Variants in MRPL34 observed in about 807,000 individuals in gnomAD.
MRPL34 encodes mitochondrial ribosomal protein L34, also known as large ribosomal subunit protein bL34m.
In MRPL34, 8 loss-of-function variants were observed where a neutral mutation model predicts 6.7. The observed-to-expected ratio is 1.20, with a 90% CI of 0.70 to 2.16. The LOEUF (loss-of-function observed/expected upper bound fraction) is 2.16, where lower values mean the gene tolerates loss of function less well. Ranked by LOEUF, MRPL34 falls within the 30% of genes most tolerant of loss-of-function variation. The pLI, the probability that MRPL34 is intolerant of heterozygous loss-of-function variation, is 0.00. For synonymous variants in MRPL34, 59 were observed against 55.1 expected (o/e 1.07, Z -0.31); for missense variants, 146 against 125.5 (o/e 1.16, Z -0.78).
At chr19:17,295,879 T>TA (rs1164590015) in intron 1 of MRPL34, among the ~76,000 whole-genome samples, 4 of 152,138 alleles carry the variant, frequency 2.6e-5, no homozygotes, top group Non-Finnish European at 5.9e-5. Flanking sequence ...AGCTAATTTT[T>TA]AAAAATTTTT....
chr19:17,294,654 C>A, intron 1 of MRPL34: 1 of 1,612,188 alleles, frequency 6.2e-7, no homozygotes, highest in Non-Finnish European at 8.5e-7. Flanking sequence ...GGATCACGGT[C>A]TTTGGGGTGG....
At chr19:17,293,998 C>G (rs150665425) in intron 1 of MRPL34, among the ~76,000 whole-genome samples, 5 of 152,232 alleles carry the variant, frequency 3.3e-5, no homozygotes, top group African/African-American at 1.2e-4. Flanking sequence ...ACAAATCCTC[C>G]GCTGTGAGGA....
chr19:17,305,712 G>A (rs1441061287), upstream of MRPL34: 4 of 680,736 alleles, frequency 5.9e-6, no homozygotes, highest in Non-Finnish European at 1.0e-5. Context: ...TGTGCCCCGC[G>A]GATATAGACT....
At chr19:17,297,744 C>CTTTTTT (rs71334702) in intron 1 of MRPL34, 1 of 130,262 alleles carries the variant, frequency 7.7e-6, no homozygotes, top group African/African-American at 2.8e-5. Flanking sequence ...GTTTTCTTTT[C>CTTTTTT]TTTTTTTTTT....
chr19:17,301,528 C>G (rs1469221185), upstream of MRPL34: 9 of 1,610,524 alleles, frequency 5.6e-6, no homozygotes, highest in Non-Finnish European at 7.6e-6. Context: ...GTAGCCATCG[C>G]TGGACTCGAC....
chr19:17,299,511 G>A (rs1186530023), upstream of MRPL34, among the ~76,000 whole-genome samples: 3 of 144,276 alleles, frequency 2.1e-5, no homozygotes, highest in Admixed American at 7.2e-5. Flanking sequence ...CAGTGAGCCA[G>A]GATCACGCCA....
rs759418477 is a variant in MRPL34 at position 17,306,202 on chromosome 19, C to G, written c.102C>G (p.Asp34Glu). 5 of 1,552,966 alleles carry G rather than the reference C, an allele frequency of 3.2e-6. No individual in the cohort carries two copies. Among genetic ancestry groups the G allele is most frequent in the Non-Finnish European group, 4.4e-6 (5 of 1,149,330 alleles). Residue 34 changes from aspartate to glutamate, a missense_variant, in exon 2 of 2, where the codon GAC (aspartate) becomes GAG (glutamate). Transcript: ENST00000252602. Reference protein sequence around the residue: ...LQPRAWLGFPDAWGLPTPQQA... With the variant: ...LQPRAWLGFPEAWGLPTPQQA... ...CCCGGGCCTGGCTGGGGTTCCCAGA[C>G]GCCTGGGGCCTCCCCACCCCGCAGC...
At chr19:17,292,652 G>A in exon 1 of MRPL34, 3 of 1,603,978 alleles carry the variant, frequency 1.9e-6, no homozygotes, top group Non-Finnish European at 2.6e-6. Context: ...TGCCCCGCCG[G>A]CCCAGCGGCT....
At chr19:17,299,022 G>A (rs183552084), upstream of MRPL34, among the ~76,000 whole-genome samples, 81 of 152,244 alleles carry the variant, frequency 5.3e-4, no homozygotes, top group African/African-American at 1.7e-3. Context: ...GATTACAGGC[G>A]TAAGCCACTG....
At chr19:17,299,614 A>T (rs1252087632), upstream of MRPL34, among the ~76,000 whole-genome samples, 2 of 151,304 alleles carry the variant, frequency 1.3e-5, no homozygotes, top group Admixed American at 1.3e-4. Flanking sequence ...TCACACCTGT[A>T]GTCCTAGCAC....
At chr19:17,305,838 G>T (rs753997925), upstream of MRPL34, 8 of 1,534,752 alleles carry the variant, frequency 5.2e-6, no homozygotes, top group South Asian at 8.9e-5. Flanking sequence ...CAGGGCTGGA[G>T]CGGCTCTGGG....
upstream of MRPL34, among the ~76,000 whole-genome samples, chr19:17,299,041 C>T (rs1487686207): frequency 1.3e-5 from 2 of 152,154 alleles, no homozygotes; most frequent in Non-Finnish European, 2.9e-5. Context: ...TGCACCTGGC[C>T]TGAGCAACAC....
At chr19:17,297,999 C>A (rs2074101124), upstream of MRPL34, 1 of 151,128 alleles carries the variant, frequency 6.6e-6, no homozygotes, top group Admixed American at 6.6e-5. Flanking sequence ...ACTGCAAGCT[C>A]CACCTCCTGG....
intron 1 of MRPL34, chr19:17,294,196 C>T: frequency 6.9e-7 from 1 of 1,446,362 alleles, no homozygotes; most frequent in Non-Finnish European, 9.2e-7. Context: ...GCACGCCCAC[C>T]AAGCGCTACC....
chr19:17,293,785 C>G (rs2074081380), intron 1 of MRPL34, among the ~76,000 whole-genome samples: 1 of 151,756 alleles, frequency 6.6e-6, no homozygotes, highest in East Asian at 1.9e-4. Flanking sequence ...CCTTGAACTC[C>G]TGGGTTCAAG....
chr19:17,306,271 C>T lies in MRPL34; in HGVS notation c.171C>T (p.Asn57=), dbSNP rs11548548. 0.097 allele frequency: 156,516 copies of T among 1,606,138 alleles called. 8,346 individuals carry two copies. Among genetic ancestry groups the T allele is most frequent in the Non-Finnish European group, 0.11 (130,523 of 1,177,048 alleles). Reference sequence around the variant, plus strand: ...GCGGGAATGAGTATCAGCCGAGCAACATCAAACGCAAGAACAAGCACGGCT... The same window carrying T: ...GCGGGAATGAGTATCAGCCGAGCAATATCAAACGCAAGAACAAGCACGGCT... The part of the protein sequence containing the change: ...KARGNEYQPS[N]IKRKNKHGWV... The change falls in exon 2 of 2, where the codon AAC becomes AAT. Residue 57 remains asparagine, a synonymous_variant. Coordinates refer to ENST00000252602, the MANE Select transcript of MRPL34 (RefSeq NM_023937.4).
At chr19:17,296,652 C>G (rs537532748) in intron 1 of MRPL34, 1 of 151,774 alleles carries the variant, frequency 6.6e-6, no homozygotes, top group South Asian at 2.1e-4. Context: ...TTTTTAAATA[C>G]AGTTTACACT....
chr19:17,292,805 G>A (rs1168664645), exon 1 of MRPL34: 1 of 1,612,890 alleles, frequency 6.2e-7, no homozygotes, highest in Admixed American at 1.7e-5. Context: ...CCTCGTCGAT[G>A]AGCTTCAGGA....
At chr19:17,302,176 G>C (rs1363674080), upstream of MRPL34, 6 of 152,232 alleles carry the variant, frequency 3.9e-5, 1 homozygote, top group Admixed American at 3.9e-4. Context: ...ACTTGGCTAT[G>C]GCTTACCCCA....
Sources: allele counts gnomAD v4.1 joint callset (sites outside exome capture counted in the v4.1 genomes callset), GRCh38; gene constraint gnomAD v4.1.1; transcripts MANE v1.5; gene names NCBI Gene and HGNC (gene_info 2026-07-23, HGNC 2026-07-21).